The following VEGFD variants were observed in gnomAD, a reference collection of about 807,000 sequenced individuals.
VEGFD encodes the protein vascular endothelial growth factor D, also known as c-fos induced growth factor (vascular endothelial growth factor D).
VEGFD carries 26 observed loss-of-function variants against 28.0 expected under a neutral mutation model. The observed-to-expected ratio is 0.93, with a 90% CI of 0.68 to 1.29. VEGFD has a LOEUF of 1.29. VEGFD is among the 50% of genes most tolerant of loss of function. The pLI is 0.00. For missense variants in VEGFD, 294 were observed against 273.4 expected (o/e 1.08, Z -0.53); for synonymous variants, 93 against 95.5 (o/e 0.97, Z 0.15).
chrX:15,350,890 C>T (rs1177528515), intron 5 of VEGFD, among the ~76,000 whole-genome samples: 1 of 99,598 alleles, frequency 1.0e-5, no homozygotes, highest in Non-Finnish European at 2.0e-5. Context: ...GAGGCAGAGT[C>T]TCACTCTGTC....
chrX:15,375,578 A>G (rs1569188096), intron 1 of VEGFD, among the ~76,000 whole-genome samples: 1 of 111,948 alleles, frequency 8.9e-6, no homozygotes, highest in East Asian at 2.8e-4. Flanking sequence ...TCATGCTACC[A>G]TTGGTGGTTC....
At chrX:15,378,193 T>C (rs766022307) in intron 1 of VEGFD, among the ~76,000 whole-genome samples, 2 of 111,992 alleles carry the variant, frequency 1.8e-5, no homozygotes, top group South Asian at 7.6e-4. Context: ...ATGACTTCCT[T>C]CTATACCTCT....
chrX:15,367,986 AAAAGAAAGAAAGAAAGAAAGAAAGAAAG>A (rs199761765), intron 1 of VEGFD, among the ~76,000 whole-genome samples: 6 of 66,634 alleles, frequency 9.0e-5, no homozygotes, highest in African/African-American at 3.6e-4. Context: ...AAGAAAAAGA[AAAAGAAAGAAAGAAAGAAAGAAAGAAAG>A]AAAGAAAGAA....
Position 15,346,497 on chromosome X carries a change from A to G in VEGFD, c.939-238T>C, listed in dbSNP as rs1451149488. On this transcript the variant is annotated intron_variant, in intron 6 of 6. Coordinates refer to ENST00000297904, the MANE Select transcript of VEGFD (RefSeq NM_004469.5). ...CCAATGATATTCCCTCCATTAAAGA[A>G]AAAAACAAACATATATAGACATAAA... Among the ~76,000 whole-genome samples the G allele has an allele frequency of 1.8e-4, 20 of 112,390 alleles. No individual in the cohort carries two copies. In the Admixed American group the frequency reaches 1.9e-3, roughly 11 times the overall value.
At chrX:15,357,084 G>GT (rs1922886964) in intron 3 of VEGFD, among the ~76,000 whole-genome samples, 1 of 111,878 alleles carries the variant, frequency 8.9e-6, no homozygotes, top group African/African-American at 3.3e-5. Context: ...TTGATGTACA[G>GT]TTTTTTAGTA....
At chrX:15,355,765 C>A (rs191820915) in intron 3 of VEGFD, among the ~76,000 whole-genome samples, 1 of 112,195 alleles carries the variant, frequency 8.9e-6, no homozygotes, top group Non-Finnish European at 1.9e-5. Context: ...TTGAACTGTG[C>A]ATGTTTTATG....
intron 1 of VEGFD, among the ~76,000 whole-genome samples, chrX:15,373,944 G>A (rs1489837398): frequency 9.0e-6 from 1 of 111,124 alleles, no homozygotes; most frequent in East Asian, 2.8e-4. Flanking sequence ...CCCACCTGTC[G>A]AGGTATCTTC....
At chrX:15,365,680 C>T (rs1170602195) in intron 1 of VEGFD, among the ~76,000 whole-genome samples, 1 of 112,008 alleles carries the variant, frequency 8.9e-6, no homozygotes, top group Non-Finnish European at 1.9e-5. Context: ...TATTCTCAGC[C>T]ATTATCATTT....
At chrX:15,348,442 G>T (rs186379030) in intron 5 of VEGFD, among the ~76,000 whole-genome samples, 31 of 112,126 alleles carry the variant, frequency 2.8e-4, no homozygotes, top group Admixed American at 1.8e-3. Context: ...GCATTAAAAG[G>T]TTCCCTTCCC....
chrX:15,381,238 A>T (rs1332775455), intron 1 of VEGFD, among the ~76,000 whole-genome samples: 1 of 111,570 alleles, frequency 9.0e-6, no homozygotes. Context: ...GAGCACTAGT[A>T]GCTATTTCAT....
At position 15,347,239 on chromosome X, in the gene VEGFD, C is replaced by G; in HGVS notation, c.863G>C (p.Cys288Ser). Reference sequence around the variant, plus strand: ...ACTTTCTTTGCACTCAAAGCAACTGCAGTTTTTGGGGTGCTGGATTAGATC... The same window carrying G: ...ACTTTCTTTGCACTCAAAGCAACTGGAGTTTTTGGGGTGCTGGATTAGATC... ...PKDLIQHPKN[C>S]SCFECKESLE... The change falls in exon 6 of 7, where the codon TGC becomes TCC. Residue 288 changes from cysteine to serine, a missense_variant. Cys to Ser is a moderately radical substitution (Grantham distance 112). Coordinates refer to ENST00000297904, the MANE Select transcript of VEGFD (RefSeq NM_004469.5). The G allele has an allele frequency of 8.3e-7, 1 of 1,211,517 alleles. No homozygotes were observed. Among genetic ancestry groups the G allele is most frequent in the Non-Finnish European group, 1.1e-6 (1 of 895,296 alleles).
chrX:15,368,613 C>T (rs755960699), intron 1 of VEGFD, among the ~76,000 whole-genome samples: 48 of 112,140 alleles, frequency 4.3e-4, no homozygotes, highest in African/African-American at 1.5e-3. Flanking sequence ...TTTATGTTAT[C>T]CACTTGGGTA....
intron 1 of VEGFD, among the ~76,000 whole-genome samples, chrX:15,375,275 A>G (rs973868054): frequency 3.6e-5 from 4 of 112,665 alleles, no homozygotes; most frequent in Non-Finnish European, 5.6e-5. Context: ...ATTTTAAGGT[A>G]TCTGCTCAGG....
intron 1 of VEGFD, among the ~76,000 whole-genome samples, chrX:15,381,260 G>GA (rs1446961554): frequency 5.8e-4 from 61 of 105,855 alleles, no homozygotes; most frequent in African/African-American, 9.9e-4. Flanking sequence ...ATTGCTACAG[G>GA]AAAAAAAAAA....
chrX:15,369,467 C>T (rs186334178), intron 1 of VEGFD, among the ~76,000 whole-genome samples: 264 of 110,993 alleles, frequency 2.4e-3, no homozygotes, highest in Admixed American at 3.6e-3. Context: ...CACTTCACAC[C>T]CAGTAGAATG....
intron 1 of VEGFD, 137 bp downstream of exon 1, chrX:15,383,720 C>A: frequency 2.3e-6 from 1 of 428,464 alleles, no homozygotes; most frequent in Non-Finnish European, 4.1e-6. Context: ...CCAAGAAATG[C>A]AGGATATATC....
At chrX:15,362,969 G>T in intron 2 of VEGFD, 140 bp downstream of exon 2, 1 of 477,306 alleles carries the variant, frequency 2.1e-6, no homozygotes, top group Non-Finnish European at 3.6e-6. Context: ...TCAAGATTCT[G>T]CACTAATACT....
chrX:15,357,126 A>T (rs1174135167), intron 3 of VEGFD, among the ~76,000 whole-genome samples: 1 of 112,303 alleles, frequency 8.9e-6, no homozygotes, highest in Non-Finnish European at 1.9e-5. Flanking sequence ...TACTGCTCTC[A>T]TATGCGACAT....
chrX:15,356,320 T>C lies in VEGFD; in HGVS notation c.493-1022A>G, dbSNP rs1429956248. On this transcript the variant is annotated intron_variant, in intron 3 of 6. Transcript: ENST00000297904. Reference sequence around the variant, plus strand: ...AGTCCTTACTACATAGAGTATTCATTTGTTCACTTTGTTTCTAAGAGGTGG... The same window carrying C: ...AGTCCTTACTACATAGAGTATTCATCTGTTCACTTTGTTTCTAAGAGGTGG... Among the ~76,000 whole-genome samples the C allele has an allele frequency of 6.2e-5, 7 of 112,067 alleles. No homozygotes were observed. In the Admixed American group the frequency reaches 6.6e-4, roughly 11 times the overall value.
Sources: allele counts gnomAD v4.1 joint callset (sites outside exome capture counted in the v4.1 genomes callset), GRCh38; gene constraint gnomAD v4.1.1; transcripts MANE v1.5; gene names NCBI Gene and HGNC (gene_info 2026-07-23, HGNC 2026-07-21).